Variants in XIRP2 observed in about 807,000 individuals in gnomAD.
XIRP2 encodes the protein xin actin-binding repeat-containing protein 2.
XIRP2 carries 236 observed loss-of-function variants against 277.0 expected under a neutral mutation model. That is an observed-to-expected ratio of 0.85 (90% CI 0.77 to 0.95). XIRP2 has a LOEUF of 0.95. Among genes scored for constraint, XIRP2 ranks in the 40% least tolerant of loss-of-function variants. The pLI is 0.00. For synonymous variants in XIRP2, 1,490 were observed against 1,416.5 expected (o/e 1.05, Z -1.17); for missense variants, 4,640 against 4,157.5 (o/e 1.12, Z -3.19).
intron 3 of XIRP2, among the ~76,000 whole-genome samples, chr2:167,199,425 T>C (rs1056630670): frequency 6.6e-6 from 1 of 152,192 alleles, no homozygotes; most frequent in Non-Finnish European, 1.5e-5. Flanking sequence ...GCCAACAGCA[T>C]ACTTGGAATT....
At chr2:167,064,729 C>T (rs1286857530) in intron 2 of XIRP2, among the ~76,000 whole-genome samples, 1 of 151,844 alleles carries the variant, frequency 6.6e-6, no homozygotes, top group East Asian at 1.9e-4. Context: ...GTCCAAGGTA[C>T]CTTATAGAAG....
intron 2 of XIRP2, among the ~76,000 whole-genome samples, chr2:166,946,473 A>G (rs2105389769): frequency 6.6e-6 from 1 of 152,274 alleles, no homozygotes. Context: ...ATAGCCCTGG[A>G]TGGCTCTTAT....
intron 7 of XIRP2, 68 bp from the exon 8 acceptor site, chr2:167,241,709 C>G: frequency 6.6e-7 from 1 of 1,513,110 alleles, no homozygotes; most frequent in Non-Finnish European, 8.9e-7. Context: ...CATGCCCAGC[C>G]ATAATTTCTT....
At chr2:167,253,901 A>G (rs1695585718) in intron 9 of XIRP2, 131 bp from the exon 10 acceptor site, 6 of 1,023,418 alleles carry the variant, frequency 5.9e-6, no homozygotes, top group Non-Finnish European at 5.5e-6. Context: ...GAGAAACATC[A>G]TAAGGACAGT....
chr2:167,217,597 C>A (rs1694293608), intron 4 of XIRP2, among the ~76,000 whole-genome samples: 1 of 152,084 alleles, frequency 6.6e-6, no homozygotes, highest in African/African-American at 2.4e-5. Context: ...GTGTCCATAT[C>A]TCACAGAATG....
At chr2:166,922,002 G>T (rs542867167) in intron 2 of XIRP2, among the ~76,000 whole-genome samples, 2 of 152,206 alleles carry the variant, frequency 1.3e-5, no homozygotes, top group South Asian at 2.1e-4. Flanking sequence ...CAGATATGAA[G>T]GAATTAATGC....
rs1187708359 is a variant in XIRP2, at chr2:167,248,324, C to G, written c.6932C>G (p.Pro2311Arg). 2 of 1,613,672 alleles carry G rather than the reference C, an allele frequency of 1.2e-6. No individual in the cohort carries two copies. The highest frequency in any genetic ancestry group is 3.3e-5 in the Admixed American group (2 of 59,970). The change falls in exon 9 of 11, where the codon CCT becomes CGT. Residue 2311 changes from proline to arginine, a missense_variant. Transcript: ENST00000409195. The stretch of plus-strand genomic sequence containing the variant: ...TCATCTGAAATTGAATTTCCTCTTC[C>G]TCCTCCACCTCCTTTGATGATGTTT... ...NASSEIEFPL[P>R]PPPPLMMFPE...
At chr2:167,102,472 G>A (rs557977403) in intron 2 of XIRP2, among the ~76,000 whole-genome samples, 68 of 152,096 alleles carry the variant, frequency 4.5e-4, no homozygotes, top group African/African-American at 6.7e-4. Context: ...CCTTATAGAC[G>A]GGCAATTAGT....
intron 2 of XIRP2, among the ~76,000 whole-genome samples, chr2:166,921,186 G>A (rs1029904422): frequency 4.6e-5 from 7 of 151,814 alleles, no homozygotes; most frequent in Non-Finnish European, 8.8e-5. Context: ...TCTCCATATC[G>A]AATCAACCAC....
In XIRP2 at chr2:167,233,837, T is replaced by C. The variant is rs1694826068; in HGVS notation, c.859-6018T>C. On this transcript the variant is annotated intron_variant, in intron 5 of 10. Coordinates refer to ENST00000409195, the MANE Select transcript of XIRP2 (RefSeq NM_152381.6). ...GGTTTTAAGATTATTTGTGTCTATG[T>C]TGGATTGAAATATTATATACATATA... Among the ~76,000 whole-genome samples, 3 of 151,772 alleles carry C rather than the reference T, an allele frequency of 2.0e-5. No individual in the cohort carries two copies. The South Asian group carries it at 6.2e-4, about 31-fold the overall frequency.
intron 2 of XIRP2, among the ~76,000 whole-genome samples, chr2:166,938,698 T>C (rs1419927133): frequency 6.6e-6 from 1 of 152,188 alleles, no homozygotes; most frequent in African/African-American, 2.4e-5. Flanking sequence ...AGTGGGGTTT[T>C]AAAGTCTCCC....
At chr2:167,137,739 A>G (rs1691595781) in intron 3 of XIRP2, among the ~76,000 whole-genome samples, 1 of 152,236 alleles carries the variant, frequency 6.6e-6, no homozygotes, top group Non-Finnish European at 1.5e-5. Flanking sequence ...AACAAGAAGT[A>G]AACTTCCAAA....
chr2:167,160,717 G>A (rs1032920419), intron 3 of XIRP2, among the ~76,000 whole-genome samples: 2 of 152,046 alleles, frequency 1.3e-5, no homozygotes, highest in Non-Finnish European at 2.9e-5. Flanking sequence ...ATTTGGTTGG[G>A]GACACAGACA....
At chr2:167,180,277 A>G (rs886145856) in intron 3 of XIRP2, among the ~76,000 whole-genome samples, 4 of 152,034 alleles carry the variant, frequency 2.6e-5, no homozygotes, top group South Asian at 2.1e-4. Context: ...TAAATTTAAT[A>G]TTTATTTCTG....
intron 2 of XIRP2, among the ~76,000 whole-genome samples, chr2:166,913,844 C>A (rs191779369): frequency 6.6e-6 from 1 of 152,246 alleles, no homozygotes; most frequent in Admixed American, 6.5e-5. Context: ...TAACCATAAA[C>A]AGTAGAAGGA....
Position 167,247,358 on chromosome 2 carries a change from A to G in XIRP2, c.5966A>G (p.Lys1989Arg). The change falls in exon 9 of 11, where the codon AAG (lysine) becomes AGG (arginine). Residue 1989 changes from lysine to arginine, a missense_variant. Lys to Arg is a conservative substitution (Grantham distance 26, BLOSUM62 2). Coordinates refer to ENST00000409195, the MANE Select transcript of XIRP2 (RefSeq NM_152381.6). ...CCAGGTCCATTTGAGCCAGCGGCCA[A>G]GTGGCAAGGGGGAGCAGATACTCTC... ...PKPGPFEPAAKWQGGADTLSQ... is the reference protein window; with the variant it reads ...PKPGPFEPAARWQGGADTLSQ... 6.2e-7 allele frequency: 1 copy of G among 1,613,780 alleles called. No homozygotes were observed. The highest frequency in any genetic ancestry group is 8.5e-7 in the Non-Finnish European group (1 of 1,179,806).
In XIRP2 at chr2:167,259,415, T is replaced by C; in HGVS notation, c.*1598T>C. ...ACTTAGGCACTGAGAGATATTGATG[T>C]TCTGAAATAAGATTTTATGAATTTG... On this transcript the variant is annotated 3_prime_UTR_variant, in exon 11 of 11. Transcript: ENST00000409195. The C allele has an allele frequency of 6.7e-7, 1 of 1,498,166 alleles. No individual in the cohort carries two copies. Among genetic ancestry groups the C allele is most frequent in the East Asian group, 2.3e-5 (1 of 43,214 alleles). The allele number at this position is 1,498,166 out of a possible 1,614,324, so 92.8% of individuals were successfully genotyped here.
intron 2 of XIRP2, among the ~76,000 whole-genome samples, chr2:167,133,769 T>A (rs1242314906): frequency 2.0e-5 from 3 of 152,192 alleles, no homozygotes; most frequent in African/African-American, 7.2e-5. Context: ...ACATACTGCG[T>A]TCATGTCATA....
intron 2 of XIRP2, among the ~76,000 whole-genome samples, chr2:167,009,496 G>C (rs529261170): frequency 1.2e-4 from 18 of 152,054 alleles, no homozygotes; most frequent in Admixed American, 9.2e-4. Context: ...TCAAGTCTTT[G>C]CTATTGTGAA....
Sources: gnomAD v4.1 joint callset for allele counts (sites outside exome capture counted in the v4.1 genomes callset) on GRCh38, gnomAD v4.1.1 for gene constraint, MANE v1.5 for transcripts, NCBI Gene and HGNC (gene_info 2026-07-23, HGNC 2026-07-21) for gene names.